Variants in IQSEC3 observed in about 807,000 individuals in gnomAD.
The protein encoded by IQSEC3 is IQ motif and Sec7 domain ArfGEF 3.
IQSEC3 carries 50 observed loss-of-function variants against 105.4 expected under a neutral mutation model. The observed-to-expected ratio is 0.47, with a 90% confidence interval of 0.38 to 0.60. The LOEUF (loss-of-function observed/expected upper bound fraction) is 0.60, where lower values mean the gene tolerates loss of function less well. IQSEC3 is among the 20% of genes least tolerant of loss of function. The pLI is 0.00. For synonymous variants in IQSEC3, 708 were observed against 746.0 expected (o/e 0.95, Z 0.83); for missense variants, 1,415 against 1,630.0 (o/e 0.87, Z 2.27).
intron 1 of IQSEC3, among the ~76,000 whole-genome samples, chr12:85,104 GT>G (rs1175500384): frequency 6.6e-6 from 1 of 152,234 alleles, no homozygotes; most frequent in Non-Finnish European, 1.5e-5. Flanking sequence ...GTTCAGAAAG[GT>G]TTTTTAAATC....
intron 5 of IQSEC3, chr12:144,195 A>T (rs1866161235): frequency 1.3e-5 from 2 of 152,120 alleles, no homozygotes; most frequent in Admixed American, 6.6e-5. Flanking sequence ...GAGAAGATGG[A>T]GAAGCAGAAA....
intron 2 of IQSEC3, among the ~76,000 whole-genome samples, chr12:109,406 T>C (rs1864797574): frequency 1.3e-5 from 2 of 152,234 alleles, no homozygotes; most frequent in Non-Finnish European, 2.9e-5. Context: ...CCCCGGCCTC[T>C]CTGCAGCCTT....
intron 2 of IQSEC3, among the ~76,000 whole-genome samples, chr12:116,442 G>A (rs1430735918): frequency 2.0e-5 from 3 of 152,152 alleles, no homozygotes; most frequent in Admixed American, 6.5e-5. Flanking sequence ...CGGCATTTCC[G>A]TGAGCTATTC....
At chr12:123,241 C>A (rs908996323) in intron 2 of IQSEC3, among the ~76,000 whole-genome samples, 3 of 151,870 alleles carry the variant, frequency 2.0e-5, no homozygotes, top group Non-Finnish European at 4.4e-5. Context: ...CCTGTCTCTA[C>A]AAAAAAAATT....
rs1555094507 is a variant in IQSEC3, at chr12:157,038, G to A, written c.2167G>A (p.Glu723Lys). The A allele has an allele frequency of 6.2e-7, 1 of 1,603,646 alleles. No homozygotes were observed. The highest frequency in any genetic ancestry group is 8.5e-7 in the Non-Finnish European group (1 of 1,174,562). ...NRDVLDCVVD[E>K]MDFSSMELDE... is the part of the protein sequence containing the mutation. ...GCCTGCCCTCAGCTGCGTGGTGGAC[G>A]AGATGGACTTCTCCAGCATGGAGCT... Residue 723 changes from glutamate (E) to lysine (K), a missense_variant, in exon 6 of 14, where the codon GAG (glutamate) becomes AAG (lysine). Around this residue, in one of 6 missense-constraint regions of IQSEC3, gnomAD observed 213 missense variants for 306.2 expected, o/e 0.70. Transcript: ENST00000538872.
At chr12:100,446 G>A (rs556593106) in intron 2 of IQSEC3, among the ~76,000 whole-genome samples, 4 of 152,344 alleles carry the variant, frequency 2.6e-5, no homozygotes, top group Admixed American at 6.5e-5. Flanking sequence ...ATCAGAAGTG[G>A]TGGCTAGTGA....
rs116420578 is a variant in IQSEC3, at chr12:82,726, C to T, written c.554+15290C>T. 3.2e-3 allele frequency among the ~76,000 whole-genome samples: 491 copies of T among 152,294 alleles called. 3 individuals carry two copies. Among genetic ancestry groups the T allele is most frequent in the African/African-American group, 0.011 (462 of 41,574 alleles). Reference sequence around the variant, plus strand: ...TCGATGTGTCCTAATAACACCTTCCCGAGCTAGGCTCCATTCTGTATTCCA... The same window carrying T: ...TCGATGTGTCCTAATAACACCTTCCTGAGCTAGGCTCCATTCTGTATTCCA... On this transcript the variant is annotated intron_variant, in intron 1 of 13. Coordinates refer to ENST00000538872, the MANE Select transcript of IQSEC3 (RefSeq NM_001170738.2).
In IQSEC3 at chr12:73,264, G is replaced by A. The variant is rs548890386; in HGVS notation, c.554+5828G>A. 7.2e-5 allele frequency among the ~76,000 whole-genome samples: 11 copies of A among 152,322 alleles called. No homozygotes were observed. In the South Asian group the frequency reaches 1.7e-3, roughly 23 times the overall value. ...CTTGGTACCTCCCCAGCTGTGAGAC[G>A]TCGCCTTCACTGTTTACTTTCTTTT... On this transcript the variant is annotated intron_variant, in intron 1 of 13. Transcript: ENST00000538872.
At chr12:97,456 A>AT (rs782648053) in intron 1 of IQSEC3, among the ~76,000 whole-genome samples, 5 of 151,438 alleles carry the variant, frequency 3.3e-5, no homozygotes, top group African/African-American at 7.3e-5. Context: ...GCTTCCTTCG[A>AT]TTTTTTCCTT....
chr12:131,400 C>T (rs1345978869), intron 3 of IQSEC3, among the ~76,000 whole-genome samples: 4 of 152,150 alleles, frequency 2.6e-5, no homozygotes, highest in African/African-American at 9.7e-5. Flanking sequence ...TGACCTGGCC[C>T]TGGTTCAGAA....
chr12:118,088 G>T (rs1865106640), intron 2 of IQSEC3, among the ~76,000 whole-genome samples: 1 of 152,154 alleles, frequency 6.6e-6, no homozygotes, highest in Non-Finnish European at 1.5e-5. Flanking sequence ...CTTACAATGA[G>T]GATACAGAGC....
intron 5 of IQSEC3, among the ~76,000 whole-genome samples, chr12:145,862 C>T (rs1204465649): frequency 6.6e-6 from 1 of 152,230 alleles, no homozygotes; most frequent in African/African-American, 2.4e-5. Flanking sequence ...TCTTTCTGGC[C>T]TGGATGATTT....
Position 138,452 on chromosome 12 carries a change from C to G in IQSEC3, c.1089C>G (p.Ser363Arg), listed in dbSNP as rs781999021. The G allele has an allele frequency of 2.1e-4, 342 of 1,603,460 alleles. No individual in the cohort carries two copies. Among genetic ancestry groups the G allele is most frequent in the Non-Finnish European group, 2.8e-4 (336 of 1,178,950 alleles). Residue 363 changes from serine to arginine, a missense_variant, in exon 4 of 14, where the codon AGC (serine) becomes AGG (arginine). Around this residue, in one of 6 missense-constraint regions of IQSEC3, gnomAD observed 720 missense variants for 633.0 expected, o/e 1.14. Coordinates refer to ENST00000538872, the MANE Select transcript of IQSEC3 (RefSeq NM_001170738.2). The surrounding 1 kb of genome is among the most constrained non-coding windows in gnomAD (Gnocchi z 7.1). ...AGGTGCGGTCACCCACGGCCGAGAGCCTGGCGGCCGAGAAAGCGCTCATGG... is the reference window on the plus strand; with the variant it reads ...AGGTGCGGTCACCCACGGCCGAGAGGCTGGCGGCCGAGAAAGCGCTCATGG... ...LRKVRSPTAE[S>R]LAAEKALMEG...
chr12:76,893 G>C (rs1863554052), intron 1 of IQSEC3, among the ~76,000 whole-genome samples: 1 of 152,248 alleles, frequency 6.6e-6, no homozygotes, highest in South Asian at 2.1e-4. Context: ...GATGCACCAG[G>C]TCAAACCAGC....
intron 13 of IQSEC3, chr12:171,417 A>G (rs1025602685): frequency 5.0e-6 from 6 of 1,191,774 alleles, no homozygotes; most frequent in Non-Finnish European, 7.3e-6. Context: ...CTCCCAGACT[A>G]ACACAGTGGA....
At chr12:168,881 TC>T (rs1454688812) in intron 11 of IQSEC3, 131 bp from the exon 12 acceptor site, 1 of 763,536 alleles carries the variant, frequency 1.3e-6, no homozygotes, top group African/African-American at 1.7e-5. Flanking sequence ...AGACCCGAGG[TC>T]CGTGTTTCAC....
chr12:126,375 C>T (rs1474084425), intron 3 of IQSEC3, among the ~76,000 whole-genome samples: 1 of 152,240 alleles, frequency 6.6e-6, no homozygotes, highest in African/African-American at 2.4e-5. Flanking sequence ...CAAGATCAGT[C>T]CAGACTGGGG....
chr12:156,562 C>T (rs1016260095), intron 5 of IQSEC3, among the ~76,000 whole-genome samples: 1 of 152,138 alleles, frequency 6.6e-6, no homozygotes, highest in Non-Finnish European at 1.5e-5. Context: ...ACTGTTCAGC[C>T]TACAGCAGAA....
chr12:106,212 A>G (rs1379542591), intron 2 of IQSEC3, among the ~76,000 whole-genome samples: 4 of 152,256 alleles, frequency 2.6e-5, no homozygotes, highest in Admixed American at 6.5e-5. Flanking sequence ...AGCATGGTCC[A>G]TGTGGCTGAT....
Sources: allele counts gnomAD v4.1 joint callset (sites outside exome capture counted in the v4.1 genomes callset), GRCh38; gene constraint gnomAD v4.1.1; regional missense constraint gnomAD v4.1.1; non-coding constraint Gnocchi (gnomAD v3.1); transcripts MANE v1.5; gene names NCBI Gene and HGNC (gene_info 2026-07-23, HGNC 2026-07-21).